The following TPCN2 variants were observed in gnomAD, a reference collection of about 807,000 sequenced individuals.
TPCN2 encodes the protein two pore channel protein 2.
A neutral mutation model predicts 111.4 loss-of-function variants in TPCN2; 92 were observed. The observed-to-expected ratio is 0.83, with a 90% CI of 0.70 to 0.98. The LOEUF (loss-of-function observed/expected upper bound fraction) is 0.98. Ranked by LOEUF, TPCN2 falls within the 50% of genes least tolerant of loss-of-function variation. The pLI is 0.00. For synonymous variants in TPCN2, 405 were observed against 414.5 expected (o/e 0.98, Z 0.28); for missense variants, 995 against 980.1 (o/e 1.02, Z -0.20).
chr11:69,065,384 G>A (rs936192495), intron 7 of TPCN2, among the ~76,000 whole-genome samples: 11 of 152,196 alleles, frequency 7.2e-5, no homozygotes, highest in African/African-American at 1.7e-4. Context: ...AAAGCCGAGT[G>A]TCCCATCCTG....
intron 5 of TPCN2, among the ~76,000 whole-genome samples, chr11:69,062,057 T>G (rs1855045222): frequency 6.6e-6 from 1 of 151,898 alleles, no homozygotes; most frequent in Admixed American, 6.6e-5. Context: ...ATGGGAAGCA[T>G]GGTGCTGGCG....
intron 5 of TPCN2, among the ~76,000 whole-genome samples, chr11:69,058,867 G>A (rs893914858): frequency 6.6e-6 from 1 of 152,276 alleles, no homozygotes; most frequent in African/African-American, 2.4e-5. Context: ...AGTTACGGTT[G>A]TGGCAGCTGT....
At chr11:69,084,826 A>C (rs1856203364) in intron 19 of TPCN2, 1 of 983,508 alleles carries the variant, frequency 1.0e-6, no homozygotes, top group Non-Finnish European at 1.2e-6. Flanking sequence ...TGCACAGCAG[A>C]GGAAACTGAG....
chr11:69,073,312 C>T (rs1465384341), intron 13 of TPCN2, among the ~76,000 whole-genome samples: 2 of 152,256 alleles, frequency 1.3e-5, no homozygotes, highest in African/African-American at 4.8e-5. Context: ...GGTCCACACA[C>T]TGGTCCTCTC....
chr11:69,085,557 C>T, intron 20 of TPCN2, 114 bp from the exon 21 acceptor site: 1 of 790,988 alleles, frequency 1.3e-6, no homozygotes, highest in South Asian at 1.5e-5. Context: ...CCTCTGTATC[C>T]CAATTTGTAC....
At chr11:69,063,674 CAAAG>C (rs1855125545) in intron 6 of TPCN2, among the ~76,000 whole-genome samples, 1 of 152,252 alleles carries the variant, frequency 6.6e-6, no homozygotes, top group Non-Finnish European at 1.5e-5. Flanking sequence ...TTGTCACTGT[CAAAG>C]AAAGGACCCT....
At chr11:69,085,649 C>A in intron 20 of TPCN2, 22 bp from the exon 21 acceptor site, 1 of 1,528,736 alleles carries the variant, frequency 6.5e-7, no homozygotes, top group Non-Finnish European at 9.1e-7. Flanking sequence ...CGCCCCTGAC[C>A]CAGGTGTGTT....
Position 69,083,928 on chromosome 11 carries a change from T to G in TPCN2, c.1690-17T>G. On this transcript the variant is annotated splice_polypyrimidine_tract_variant and intron_variant, in intron 18 of 24. Transcript: ENST00000294309. The stretch of plus-strand genomic sequence containing the variant: ...GGGCCAGGAGGAGTAAGGGCTGTGC[T>G]CTCTTCCTGTCCTCAGCTGATGGCC... 2.5e-6 allele frequency: 4 copies of G among 1,612,312 alleles called. No homozygotes were observed. Among genetic ancestry groups the G allele is most frequent in the Non-Finnish European group, 2.5e-6 (3 of 1,178,382 alleles).
chr11:69,050,733 C>T (rs990690452), intron 1 of TPCN2, among the ~76,000 whole-genome samples: 5 of 152,248 alleles, frequency 3.3e-5, no homozygotes, highest in African/African-American at 4.8e-5. Flanking sequence ...GACTGCCTGG[C>T]GGGCATTGTG....
chr11:69,070,187 G>A (rs951475445), intron 8 of TPCN2, among the ~76,000 whole-genome samples: 2 of 152,010 alleles, frequency 1.3e-5, no homozygotes, highest in Non-Finnish European at 2.9e-5. Flanking sequence ...ACCACACCTG[G>A]CTAATTTTTG....
intron 1 of TPCN2, among the ~76,000 whole-genome samples, chr11:69,053,508 A>G (rs879503526): frequency 1.3e-5 from 2 of 152,128 alleles, no homozygotes; most frequent in African/African-American, 2.4e-5. Flanking sequence ...GTCCTGGCTC[A>G]TGAAGACTGT....
intron 13 of TPCN2, among the ~76,000 whole-genome samples, chr11:69,077,673 A>G (rs554309778): frequency 3.2e-4 from 49 of 152,266 alleles, no homozygotes; most frequent in Admixed American, 2.6e-3. Context: ...TCTTTGACGT[A>G]TACATGAAGC....
In TPCN2 at chr11:69,057,565, G is replaced by A. The variant is rs779032614; in HGVS notation, c.430-13G>A. On this transcript the variant is annotated splice_polypyrimidine_tract_variant and intron_variant, in intron 4 of 24. Transcript: ENST00000294309. Reference sequence around the variant, plus strand: ...GGGGCTACTTGCTGCTCACCCGCCCGTCTATCTTGCAGGGTTACCTGTTCG... The same window carrying A: ...GGGGCTACTTGCTGCTCACCCGCCCATCTATCTTGCAGGGTTACCTGTTCG... 23 of 1,612,380 alleles carry A rather than the reference G, an allele frequency of 1.4e-5. No homozygotes were observed. The highest frequency in any genetic ancestry group is 4.0e-5 in the African/African-American group (3 of 74,904).
In TPCN2 at chr11:69,076,240, G is replaced by A. The variant is rs111818097; in HGVS notation, c.1231-2242G>A. On this transcript the variant is annotated intron_variant, in intron 13 of 24. Transcript: ENST00000294309. Reference sequence around the variant, plus strand: ...TGCAGAGACGTTCACTGGCTTCCCCGGGCTGCGGTTGGTTTGTGGTCACTG... The same window carrying A: ...TGCAGAGACGTTCACTGGCTTCCCCAGGCTGCGGTTGGTTTGTGGTCACTG... Among the ~76,000 whole-genome samples the A allele has an allele frequency of 9.3e-3, 1,423 of 152,256 alleles. 28 individuals are homozygous for A. The highest frequency in any genetic ancestry group is 0.032 in the African/African-American group (1,320 of 41,540).
In TPCN2 at chr11:69,069,196, A is replaced by G. The variant is rs1427430903; in HGVS notation, c.830-1234A>G. Among the ~76,000 whole-genome samples the G allele has an allele frequency of 5.1e-3, 672 of 132,866 alleles. 13 individuals carry two copies. The highest frequency in any genetic ancestry group is 0.02 in the African/African-American group (633 of 32,330). 87.2% of individuals were successfully genotyped at this position (132,866 alleles called of 152,430 possible). A position where few individuals can be genotyped will look rare whatever the true frequency, so the allele number is the denominator to read the frequency against. ...GACTGTCTGAGTCCTAGCAAGTGACACAGGGGGAGCAGGACCGTCTGAGTC... is the reference window on the plus strand; with the variant it reads ...GACTGTCTGAGTCCTAGCAAGTGACGCAGGGGGAGCAGGACCGTCTGAGTC... On this transcript the variant is annotated intron_variant, in intron 8 of 24. Coordinates refer to ENST00000294309, the MANE Select transcript of TPCN2 (RefSeq NM_139075.4).
rs552534566 is a variant in TPCN2, at chr11:69,063,199, C to T, written c.653+209C>T. Among the ~76,000 whole-genome samples the T allele has an allele frequency of 4.6e-5, 7 of 151,862 alleles. No individual in the cohort carries two copies. The South Asian group carries it at 8.3e-4, about 18-fold the overall frequency. On this transcript the variant is annotated intron_variant, in intron 6 of 24. Coordinates refer to ENST00000294309, the MANE Select transcript of TPCN2 (RefSeq NM_139075.4). ...TCCCCAGAAGCCTCCCAGCAGCCTT[C>T]GAGCTAGGGCCAGGGCTGCAAACAC...
rs1025214209 is a variant in TPCN2 at position 69,048,974 on chromosome 11, C to T, written c.-24C>T. On this transcript the variant is annotated 5_prime_UTR_variant, in exon 1 of 25. Coordinates refer to ENST00000294309, the MANE Select transcript of TPCN2 (RefSeq NM_139075.4). ...CTTCGGGGCTTGAGCTTCTGAGGGT[C>T]GGGTCCAGCGCGTGGGCTGCTGGAT... is the stretch of plus-strand genomic sequence containing the variant. The T allele has an allele frequency of 1.3e-5, 16 of 1,223,978 alleles. No homozygotes were observed. Among genetic ancestry groups the T allele is most frequent in the African/African-American group, 9.3e-5 (6 of 64,266 alleles). The allele number at this position is 1,223,978 out of a possible 1,614,324, so 75.8% of individuals were successfully genotyped here. A position where few individuals can be genotyped will look rare whatever the true frequency, so the allele number is the denominator to read the frequency against.
chr11:69,067,426 G>A, intron 7 of TPCN2, 77 bp from the exon 8 acceptor site: 1 of 1,370,644 alleles, frequency 7.3e-7, no homozygotes, highest in Middle Eastern at 2.0e-4. Flanking sequence ...GTTCCAGCCG[G>A]TTGGGTCCGG....
intron 18 of TPCN2, 50 bp downstream of exon 18, chr11:69,081,549 C>A: frequency 1.4e-6 from 2 of 1,390,498 alleles, no homozygotes; most frequent in Non-Finnish European, 2.0e-6. Context: ...GGTCATGCTG[C>A]TGCGTTGCTC....
Sources: allele counts gnomAD v4.1 joint callset (sites outside exome capture counted in the v4.1 genomes callset), GRCh38; gene constraint gnomAD v4.1.1; transcripts MANE v1.5; gene names NCBI Gene and HGNC (gene_info 2026-07-23, HGNC 2026-07-21).